The following NRXN3 variants were observed in gnomAD, a reference collection of about 807,000 sequenced individuals.
NRXN3 encodes neurexin 3.
Under a neutral mutation model 137.6 loss-of-function variants are expected in NRXN3, and 32 were observed. That is an observed-to-expected ratio of 0.23 (90% confidence interval 0.18 to 0.31). NRXN3 has a LOEUF of 0.31. Ranked by LOEUF, NRXN3 falls within the 10% of genes least tolerant of loss-of-function variation. NRXN3 has a pLI of 1.00. For missense variants in NRXN3, 1,574 were observed against 2,062.5 expected (o/e 0.76, Z 4.59); for synonymous variants, 798 against 784.5 (o/e 1.02, Z -0.29).
intron 6 of NRXN3, among the ~76,000 whole-genome samples, chr14:78,707,042 G>A (rs986872239): frequency 2.0e-5 from 3 of 152,202 alleles, no homozygotes; most frequent in African/African-American, 7.2e-5. Flanking sequence ...TTTCAGGGCT[G>A]TGGAAATAGC....
At chr14:78,845,237 AT>A (rs2099023331) in intron 10 of NRXN3, among the ~76,000 whole-genome samples, 1 of 152,154 alleles carries the variant, frequency 6.6e-6, no homozygotes, top group Non-Finnish European at 1.5e-5. Context: ...ATCAAAAAAT[AT>A]GACTTCAAAT....
At chr14:79,613,664 C>T (rs2098126648) in intron 16 of NRXN3, among the ~76,000 whole-genome samples, 1 of 152,234 alleles carries the variant, frequency 6.6e-6, no homozygotes, top group African/African-American at 2.4e-5. Context: ...ATTTAACTAA[C>T]TGGCTCACTA....
intron 19 of NRXN3, among the ~76,000 whole-genome samples, chr14:79,758,433 C>T (rs2099027314): frequency 6.6e-6 from 1 of 152,002 alleles, no homozygotes; most frequent in Non-Finnish European, 1.5e-5. Context: ...ATAGGAGGTT[C>T]AGGCAGTTTT....
intron 10 of NRXN3, among the ~76,000 whole-genome samples, chr14:78,826,161 G>T (rs2098965934): frequency 6.6e-6 from 1 of 152,190 alleles, no homozygotes; most frequent in Non-Finnish European, 1.5e-5. Context: ...TTATTTGTGT[G>T]ATCTAGTGCC....
intron 14 of NRXN3, among the ~76,000 whole-genome samples, chr14:78,972,396 A>T (rs1379055755): frequency 5.9e-5 from 9 of 152,214 alleles, no homozygotes; most frequent in Non-Finnish European, 1.2e-4. Context: ...CGTGATCCAA[A>T]TGTCTAATTC....
intron 15 of NRXN3, among the ~76,000 whole-genome samples, chr14:79,255,404 C>A (rs1292754575): frequency 6.6e-6 from 1 of 152,168 alleles, no homozygotes; most frequent in East Asian, 1.9e-4. Flanking sequence ...GTTTAAATGG[C>A]AGTATAGGGT....
intron 10 of NRXN3, among the ~76,000 whole-genome samples, chr14:78,874,949 GGGAC>G (rs1232380831): frequency 2.0e-5 from 3 of 152,216 alleles, no homozygotes; most frequent in Non-Finnish European, 2.9e-5. Context: ...ATTAAACTGT[GGGAC>G]GGACTTTAGA....
At chr14:78,580,921 G>A (rs1252948860) in intron 4 of NRXN3, among the ~76,000 whole-genome samples, 4 of 152,172 alleles carry the variant, frequency 2.6e-5, no homozygotes, top group Admixed American at 1.3e-4. Flanking sequence ...GAAAAGTTAT[G>A]CTTATCCTCA....
At chr14:79,441,807 C>T (rs1273175080) in intron 15 of NRXN3, among the ~76,000 whole-genome samples, 1 of 151,082 alleles carries the variant, frequency 6.6e-6, no homozygotes, top group East Asian at 1.9e-4. Context: ...TCAGCCAAAG[C>T]AAAGACTAAA....
chr14:79,147,131 A>G (rs148416858), intron 15 of NRXN3, among the ~76,000 whole-genome samples: 3 of 152,262 alleles, frequency 2.0e-5, no homozygotes, highest in African/African-American at 7.2e-5. Flanking sequence ...GAGATCACTG[A>G]CCAATTAATT....
At chr14:78,513,616 GT>G (rs1234424237) in intron 4 of NRXN3, among the ~76,000 whole-genome samples, 1 of 152,108 alleles carries the variant, frequency 6.6e-6, no homozygotes, top group Non-Finnish European at 1.5e-5. Context: ...TAAAAACTGT[GT>G]TACTGAGACT....
At chr14:78,543,332 G>T (rs1266481790) in intron 4 of NRXN3, among the ~76,000 whole-genome samples, 1 of 152,168 alleles carries the variant, frequency 6.6e-6, no homozygotes, top group Non-Finnish European at 1.5e-5. Context: ...CACTTTTCTA[G>T]AGAGGAAGTC....
chr14:78,709,106 G>T (rs1236812874), intron 6 of NRXN3, 111 bp from the exon 7 acceptor site: 7 of 915,978 alleles, frequency 7.6e-6, no homozygotes, highest in Non-Finnish European at 1.1e-5. Context: ...GTTGTTTTGG[G>T]CTATGTCCTG....
At position 79,861,120 on chromosome 14, in the gene NRXN3, TC is replaced by T; in HGVS notation, c.4094-216del. On this transcript the variant is annotated intron_variant, in intron 20 of 20. Transcript: ENST00000335750. This position sits in a 1 kb window ranked among gnomAD's most constrained non-coding sequence, Gnocchi z 5.4. ...GCTACTCGTGCACCTTCCATTACACTCCCCCCTACCTTTCGCCCCCTCCTCA... is the reference window on the plus strand; with the variant it reads ...GCTACTCGTGCACCTTCCATTACACTCCCCCTACCTTTCGCCCCCTCCTCA... 5 of 1,474,902 alleles carry T rather than the reference TC, an allele frequency of 3.4e-6. No individual in the cohort carries two copies. The highest frequency in any genetic ancestry group is 4.5e-6 in the Non-Finnish European group (5 of 1,116,368). The allele number at this position is 1,474,902 out of a possible 1,614,324, so 91.4% of individuals were successfully genotyped here. A position where few individuals can be genotyped will look rare whatever the true frequency, so the allele number is the denominator to read the frequency against.
chr14:79,027,272 A>G (rs571209049), intron 15 of NRXN3, among the ~76,000 whole-genome samples: 1 of 152,046 alleles, frequency 6.6e-6, no homozygotes, highest in Non-Finnish European at 1.5e-5. Context: ...GATTTCTCCT[A>G]TGGGGACATA....
At chr14:78,788,147 A>C (rs539093379) in intron 8 of NRXN3, among the ~76,000 whole-genome samples, 8 of 152,230 alleles carry the variant, frequency 5.3e-5, no homozygotes, top group Non-Finnish European at 7.4e-5. Context: ...CCTAACACCA[A>C]GGCTCTTTCT....
At chr14:79,568,864 A>G (rs1399226344) in intron 16 of NRXN3, among the ~76,000 whole-genome samples, 2 of 152,200 alleles carry the variant, frequency 1.3e-5, no homozygotes, top group Non-Finnish European at 2.9e-5. Context: ...TAACAGTAAC[A>G]GAAGAACATT....
intron 3 of NRXN3, among the ~76,000 whole-genome samples, chr14:78,281,223 CCT>C (rs2074365127): frequency 6.6e-6 from 1 of 152,162 alleles, no homozygotes; most frequent in South Asian, 2.1e-4. Context: ...GGGCCTCCTG[CCT>C]CTCTGAGCCC....
intron 2 of NRXN3, among the ~76,000 whole-genome samples, chr14:78,270,277 C>T (rs75707348): frequency 0.017 from 2,615 of 152,308 alleles, 78 homozygotes; most frequent in African/African-American, 0.055. Flanking sequence ...TCCTGTGACA[C>T]ACTTTTCTCT....
Sources: allele counts gnomAD v4.1 joint callset (sites outside exome capture counted in the v4.1 genomes callset), GRCh38; gene constraint gnomAD v4.1.1; non-coding constraint Gnocchi (gnomAD v3.1); transcripts MANE v1.5; gene names NCBI Gene and HGNC (gene_info 2026-07-23, HGNC 2026-07-21).